KAT6B: variants seen among roughly 807,000 people sequenced by gnomAD.
KAT6B encodes lysine acetyltransferase 6B.
A neutral mutation model predicts 187.5 loss-of-function variants in KAT6B; 10 were observed. The observed-to-expected ratio is 0.05, with a 90% CI of 0.03 to 0.09. The LOEUF is 0.09. Ranked by LOEUF, KAT6B falls within the 10% of genes least tolerant of loss-of-function variation. The pLI, the probability that KAT6B is intolerant of heterozygous loss-of-function variation, is 1.00. For missense variants in KAT6B, 1,952 were observed against 2,558.9 expected (o/e 0.76, Z 5.12); for synonymous variants, 861 against 926.8 (o/e 0.93, Z 1.29).
intron 7 of KAT6B, among the ~76,000 whole-genome samples, chr10:74,974,271 A>G (rs1200016432): frequency 6.6e-6 from 1 of 152,150 alleles, no homozygotes; most frequent in East Asian, 1.9e-4. Flanking sequence ...CCCTTCAACT[A>G]ACAGCTGAAA....
upstream of KAT6B, among the ~76,000 whole-genome samples, chr10:74,826,389 G>A (rs1236130153): frequency 5.7e-5 from 8 of 141,534 alleles, no homozygotes; most frequent in Non-Finnish European, 1.2e-4. Context: ...TGGTGCCGGA[G>A]GGGGGGATGA....
chr10:74,884,092 T>C (rs898199071), intron 3 of KAT6B, among the ~76,000 whole-genome samples: 14 of 152,352 alleles, frequency 9.2e-5, no homozygotes, highest in Middle Eastern at 3.4e-3. Context: ...TTCCAACATA[T>C]ATACTCACTT....
In KAT6B at chr10:74,949,854, T is replaced by A. The variant is rs548108965; in HGVS notation, c.622-10116T>A. The stretch of plus-strand genomic sequence containing the variant: ...ATGTAGGGATGCTTTTGAATATTTT[T>A]ATTTTATTAGATTTTCCTGCTTCCT... On this transcript the variant is annotated intron_variant, in intron 3 of 17. Coordinates refer to ENST00000287239, the MANE Select transcript of KAT6B (RefSeq NM_012330.4). 3.3e-5 allele frequency among the ~76,000 whole-genome samples: 5 copies of A among 152,376 alleles called. No individual in the cohort carries two copies. The South Asian group carries it at 1.0e-3, about 32-fold the overall frequency.
At chr10:74,998,711 G>T (rs1357928800) in intron 13 of KAT6B, among the ~76,000 whole-genome samples, 1 of 152,188 alleles carries the variant, frequency 6.6e-6, no homozygotes, top group Non-Finnish European at 1.5e-5. Context: ...ATGAGCCCAG[G>T]AGTTCGAGGC....
chr10:74,825,215 G>C (rs1840098124), upstream of KAT6B, among the ~76,000 whole-genome samples: 1 of 152,280 alleles, frequency 6.6e-6, no homozygotes, highest in South Asian at 2.1e-4. The surrounding 1 kb of genome is among the most constrained non-coding windows in gnomAD (Gnocchi z 5.0). Context: ...GAGTGGGGAC[G>C]CGTTGGCGAG....
intron 1 of KAT6B, among the ~76,000 whole-genome samples, chr10:74,834,533 T>C (rs1367149956): frequency 6.6e-6 from 1 of 152,106 alleles, no homozygotes; most frequent in African/African-American, 2.4e-5. Flanking sequence ...ATTTGTCTTT[T>C]TTAGAGACAG....
chr10:74,974,530 C>A (rs1452689948), intron 7 of KAT6B, among the ~76,000 whole-genome samples: 1 of 152,146 alleles, frequency 6.6e-6, no homozygotes, highest in African/African-American at 2.4e-5. Flanking sequence ...CAAACCCTAG[C>A]CTGAGGTGAA....
Position 75,022,060 on chromosome 10 carries a change from G to C in KAT6B, c.3201G>C (p.Glu1067Asp), listed in dbSNP as rs764097613. The C allele has an allele frequency of 2.5e-6, 4 of 1,613,828 alleles. No homozygotes were observed. In the South Asian group the frequency reaches 4.4e-5, roughly 18 times the overall value. Residue 1067 changes from glutamate (E) to aspartate (D), a missense_variant, in exon 16 of 18, where the codon GAG becomes GAC. Physicochemically the swap from Glu to Asp is conservative, Grantham distance 45. Around this residue, in one of 9 missense-constraint regions of KAT6B, gnomAD observed 758 missense variants for 891.4 expected, o/e 0.85. Transcript: ENST00000287239. ...GGCAGCTGCTGGAGCTGTCTAAAGA[G>C]AGCAGTGAAGAAGAAGAGGAGGAGG... ...ERGQLLELSK[E>D]SSEEEEEEED...
upstream of KAT6B, among the ~76,000 whole-genome samples, chr10:74,825,417 C>A (rs975422560): frequency 1.3e-5 from 2 of 150,144 alleles, no homozygotes; most frequent in Admixed American, 1.3e-4. This position sits in a 1 kb window ranked among gnomAD's most constrained non-coding sequence, Gnocchi z 5.0. Flanking sequence ...CCCGGCCAGG[C>A]CGGGCGGGCT....
chr10:74,985,496 G>T (rs933767324), intron 12 of KAT6B, among the ~76,000 whole-genome samples: 2 of 152,142 alleles, frequency 1.3e-5, no homozygotes, highest in Admixed American at 6.5e-5. Flanking sequence ...ACCACTTAGC[G>T]TCTTTGATTT....
At chr10:75,024,935 G>A in intron 16 of KAT6B, 23 bp from the exon 17 acceptor site, 3 of 1,611,582 alleles carry the variant, frequency 1.9e-6, no homozygotes, top group East Asian at 2.2e-5. Flanking sequence ...GCTCTTATGT[G>A]TTATGTTTGG....
intron 3 of KAT6B, among the ~76,000 whole-genome samples, chr10:74,945,088 T>A (rs1170280080): frequency 6.6e-6 from 1 of 152,186 alleles, no homozygotes; most frequent in Non-Finnish European, 1.5e-5. Context: ...ATATGAAGTT[T>A]ATTCATAGAG....
At chr10:74,954,980 C>G (rs948917820) in intron 3 of KAT6B, among the ~76,000 whole-genome samples, 16 of 152,178 alleles carry the variant, frequency 1.1e-4, no homozygotes, top group Non-Finnish European at 1.5e-5. Flanking sequence ...AGTCCAACTA[C>G]TGTCATCCTT....
intron 13 of KAT6B, among the ~76,000 whole-genome samples, chr10:74,993,994 T>A (rs956919763): frequency 6.6e-6 from 1 of 152,210 alleles, no homozygotes; most frequent in African/African-American, 2.4e-5. Flanking sequence ...TCAGTAAGCA[T>A]CTGGTGAGAA....
intron 3 of KAT6B, among the ~76,000 whole-genome samples, chr10:74,859,176 G>A (rs1485479060): frequency 6.6e-6 from 1 of 151,992 alleles, no homozygotes; most frequent in Non-Finnish European, 1.5e-5. Flanking sequence ...CACCTCCCAG[G>A]TTCAAGCAAT....
chr10:75,027,489 A>G (rs1263360637), intron 17 of KAT6B, among the ~76,000 whole-genome samples: 2 of 152,284 alleles, frequency 1.3e-5, no homozygotes, highest in East Asian at 1.9e-4. Context: ...ATTGTTCTAT[A>G]TAAAGCTTTT....
At chr10:74,979,113 C>A (rs1842348409) in intron 9 of KAT6B, 111 bp from the exon 10 acceptor site, 1 of 743,074 alleles carries the variant, frequency 1.3e-6, no homozygotes, top group Non-Finnish European at 2.4e-6. Context: ...TGCAAATTCA[C>A]AATTAAGATT....
rs11001176 is a variant in KAT6B at position 74,836,642 on chromosome 10, G to A, written c.-328-2041G>A. On this transcript the variant is annotated intron_variant, in intron 1 of 17. Coordinates refer to ENST00000287239, the MANE Select transcript of KAT6B (RefSeq NM_012330.4). ...TAAGAAATATCACCATATGGATGGCGTTTCATGTTGTCAGACAACAGATAT... is the reference window on the plus strand; with the variant it reads ...TAAGAAATATCACCATATGGATGGCATTTCATGTTGTCAGACAACAGATAT... Among the ~76,000 whole-genome samples, 1,411 of 152,274 alleles carry A rather than the reference G, an allele frequency of 9.3e-3. 15 individuals carry two copies. Among genetic ancestry groups the A allele is most frequent in the Non-Finnish European group, 0.017 (1,131 of 68,006 alleles).
At chr10:75,021,734 G>T (rs898982577) in intron 15 of KAT6B, 147 bp from the exon 16 acceptor site, 2 of 776,900 alleles carry the variant, frequency 2.6e-6, no homozygotes, top group East Asian at 2.7e-5. Context: ...GATGCAAAAG[G>T]TTCCTGAGAT....
Sources: gnomAD v4.1 joint callset for allele counts (sites outside exome capture counted in the v4.1 genomes callset) on GRCh38, gnomAD v4.1.1 for gene constraint, gnomAD v4.1.1 regional missense constraint, Gnocchi (gnomAD v3.1) non-coding constraint, MANE v1.5 for transcripts, NCBI Gene and HGNC (gene_info 2026-07-23, HGNC 2026-07-21) for gene names.